UBE2E1: variants seen among roughly 807,000 people sequenced by gnomAD.
UBE2E1 encodes the protein ubiquitin-conjugating enzyme E2 E1.
UBE2E1 carries 6 observed loss-of-function variants against 21.4 expected under a neutral mutation model. That is an observed-to-expected ratio of 0.28 (90% confidence interval 0.15 to 0.55). The LOEUF (loss-of-function observed/expected upper bound fraction) is 0.55, where lower values mean the gene tolerates loss of function less well. Among genes scored for constraint, UBE2E1 ranks in the 20% least tolerant of loss-of-function variants. The probability of loss-of-function intolerance (pLI) is 0.93; values close to 1 mark genes in which losing one functional copy is unlikely to be tolerated. For missense variants in UBE2E1, 142 were observed against 236.5 expected, an observed-to-expected ratio of 0.60 and a Z score of 2.62; for synonymous variants, 87 against 82.7, an observed-to-expected ratio of 1.05 and a Z score of -0.28.
intron 3 of UBE2E1, among the ~76,000 whole-genome samples, chr3:23,827,707 A>T (rs987080648): frequency 1.3e-5 from 2 of 152,342 alleles, no homozygotes; most frequent in Admixed American, 1.3e-4. Context: ...TAAATTTAAA[A>T]AGAGGCTTAT....
At chr3:23,874,316 G>T (rs1214663659) in intron 3 of UBE2E1, among the ~76,000 whole-genome samples, 1 of 152,184 alleles carries the variant, frequency 6.6e-6, no homozygotes, top group African/African-American at 2.4e-5. Flanking sequence ...TGTGTGGAGG[G>T]TAGAGGTGTT....
chr3:23,872,121 G>A (rs1206066638), intron 3 of UBE2E1, among the ~76,000 whole-genome samples: 5 of 152,158 alleles, frequency 3.3e-5, no homozygotes, highest in Non-Finnish European at 7.3e-5. Flanking sequence ...CTGCAATCCC[G>A]GCACCTCGGG....
chr3:23,821,914 C>A (rs1267266612), intron 3 of UBE2E1, among the ~76,000 whole-genome samples: 1 of 151,776 alleles, frequency 6.6e-6, no homozygotes, highest in African/African-American at 2.4e-5. Context: ...GAGATACATA[C>A]ACATTTGTAA....
Position 23,810,331 on chromosome 3 carries a change from G to T in UBE2E1, c.153-1129G>T. ...GCTCTAAGTGCCTAGGTAAGCAAAA[G>T]ACAAAGGCCAGGGCTTGGTGTGAAC... On this transcript the variant is annotated intron_variant, in intron 2 of 5. Coordinates refer to ENST00000306627, the MANE Select transcript of UBE2E1 (RefSeq NM_003341.5). The surrounding 1 kb of genome is among the most constrained non-coding windows in gnomAD (Gnocchi z 5.8). The T allele has an allele frequency of 1.7e-6, 2 of 1,146,068 alleles. No individual in the cohort carries two copies. The highest frequency in any genetic ancestry group is 2.6e-5 in the East Asian group (1 of 38,244). The allele number at this position is 1,146,068 out of a possible 1,614,324, so 71.0% of individuals were successfully genotyped here. A position where few individuals can be genotyped will look rare whatever the true frequency, so the allele number is the denominator to read the frequency against.
intron 3 of UBE2E1, among the ~76,000 whole-genome samples, chr3:23,882,266 T>G (rs534272222): frequency 1.3e-5 from 2 of 150,022 alleles, no homozygotes; most frequent in South Asian, 4.2e-4. Flanking sequence ...TTTGACAGGG[T>G]GCTGATTGGT....
intron 3 of UBE2E1, among the ~76,000 whole-genome samples, chr3:23,839,566 G>C (rs533447178): frequency 1.3e-5 from 2 of 151,794 alleles, no homozygotes; most frequent in African/African-American, 2.4e-5. Context: ...TATAGTTTCA[G>C]ATATTCACTC....
At chr3:23,815,962 C>G (rs1458179104) in intron 3 of UBE2E1, among the ~76,000 whole-genome samples, 1 of 152,148 alleles carries the variant, frequency 6.6e-6, no homozygotes, top group Non-Finnish European at 1.5e-5. Context: ...TCAGCACGAT[C>G]AAAACAGCAC....
intron 3 of UBE2E1, among the ~76,000 whole-genome samples, chr3:23,820,326 G>A (rs1389471956): frequency 1.3e-5 from 2 of 152,154 alleles, no homozygotes; most frequent in South Asian, 2.1e-4. Context: ...CTTGAGAACC[G>A]TAATCCAGGA....
Position 23,863,802 on chromosome 3 carries a change from T to C in UBE2E1, c.204-23765T>C, listed in dbSNP as rs146916261. On this transcript the variant is annotated intron_variant, in intron 3 of 5. Transcript: ENST00000306627. This position sits in a 1 kb window ranked among gnomAD's most constrained non-coding sequence, Gnocchi z 4.3. ...ACCTCAGCCTCCCAAAGTGCTGGGA[T>C]TACAGGCGTGAACCACCGCGCCCAG... Among the ~76,000 whole-genome samples the C allele has an allele frequency of 2.4e-3, 362 of 152,292 alleles. 1 individual carries two copies. The highest frequency in any genetic ancestry group is 3.6e-3 in the Non-Finnish European group (244 of 68,020).
chr3:23,877,864 A>G (rs1359703131), intron 3 of UBE2E1, among the ~76,000 whole-genome samples: 2 of 152,184 alleles, frequency 1.3e-5, no homozygotes, highest in African/African-American at 2.4e-5. Context: ...GTACTATGAG[A>G]TAATATCAGG....
At position 23,810,394 on chromosome 3, in the gene UBE2E1, C is replaced by T; in HGVS notation, c.153-1066C>T. ...TCGGCCTATGAGTGGGGGATGGGGC[C>T]CTTTGTGAAGTCGAGGGTTGGTGCG... On this transcript the variant is annotated intron_variant, in intron 2 of 5. Coordinates refer to ENST00000306627, the MANE Select transcript of UBE2E1 (RefSeq NM_003341.5). This position sits in a 1 kb window ranked among gnomAD's most constrained non-coding sequence, Gnocchi z 5.8. The T allele has an allele frequency of 1.3e-6, 2 of 1,529,014 alleles. No individual in the cohort carries two copies. The highest frequency in any genetic ancestry group is 1.2e-5 in the South Asian group (1 of 83,796). 94.7% of individuals were successfully genotyped at this position (1,529,014 alleles called of 1,614,324 possible). A position where few individuals can be genotyped will look rare whatever the true frequency, so the allele number is the denominator to read the frequency against.
At chr3:23,856,991 G>A (rs999828269) in intron 3 of UBE2E1, among the ~76,000 whole-genome samples, 5 of 115,714 alleles carry the variant, frequency 4.3e-5, no homozygotes, top group Non-Finnish European at 8.8e-5. Context: ...GACAGAGCTA[G>A]GCTGTCTCTT....
chr3:23,821,345 A>G (rs1296835620), intron 3 of UBE2E1, among the ~76,000 whole-genome samples: 2 of 152,276 alleles, frequency 1.3e-5, no homozygotes, highest in African/African-American at 4.8e-5. Flanking sequence ...AAGTACCAGA[A>G]GACATCTGGG....
chr3:23,818,127 A>G (rs1699567743), intron 3 of UBE2E1, among the ~76,000 whole-genome samples: 1 of 152,200 alleles, frequency 6.6e-6, no homozygotes, highest in Admixed American at 6.5e-5. Flanking sequence ...GATATGGAGG[A>G]CTTGAAAAGG....
chr3:23,884,996 T>C (rs1701146838), intron 3 of UBE2E1, among the ~76,000 whole-genome samples: 1 of 152,240 alleles, frequency 6.6e-6, no homozygotes, highest in South Asian at 2.1e-4. Flanking sequence ...CTCTAGACTT[T>C]CTTCAGTTTG....
intron 3 of UBE2E1, among the ~76,000 whole-genome samples, chr3:23,878,034 C>T (rs1700954377): frequency 6.6e-6 from 1 of 152,116 alleles, no homozygotes; most frequent in Non-Finnish European, 1.5e-5. Context: ...GTCTCTTTTT[C>T]CCCCCTACTC....
chr3:23,818,314 A>G (rs889989377), intron 3 of UBE2E1, among the ~76,000 whole-genome samples: 1 of 152,162 alleles, frequency 6.6e-6, no homozygotes, highest in Non-Finnish European at 1.5e-5. Flanking sequence ...CAGTTTGACT[A>G]TATATTTGAG....
intron 3 of UBE2E1, among the ~76,000 whole-genome samples, chr3:23,877,866 A>G (rs114029591): frequency 0.028 from 4,209 of 152,270 alleles, 82 homozygotes; most frequent in Non-Finnish European, 0.043. Context: ...ACTATGAGAT[A>G]ATATCAGGAA....
At chr3:23,815,316 C>T (rs947050115) in intron 3 of UBE2E1, among the ~76,000 whole-genome samples, 5 of 152,170 alleles carry the variant, frequency 3.3e-5, no homozygotes, top group Admixed American at 2.6e-4. Flanking sequence ...ACAGAATTTC[C>T]ATTTAGCCTT....
Sources: gnomAD v4.1 joint callset for allele counts (sites outside exome capture counted in the v4.1 genomes callset) on GRCh38, gnomAD v4.1.1 for gene constraint, Gnocchi (gnomAD v3.1) non-coding constraint, MANE v1.5 for transcripts, NCBI Gene and HGNC (gene_info 2026-07-23, HGNC 2026-07-21) for gene names.